NLGN1: variants seen among roughly 807,000 people sequenced by gnomAD.
NLGN1 encodes neuroligin-1.
In NLGN1, 12 loss-of-function variants were observed where a neutral mutation model predicts 65.5. The ratio of observed to expected loss-of-function variants is 0.18; its 90% confidence interval spans 0.12 to 0.30. The LOEUF (loss-of-function observed/expected upper bound fraction) is 0.30. NLGN1 is among the 10% of genes least tolerant of loss of function. The pLI is 1.00. For synonymous variants in NLGN1, 350 were observed against 359.5 expected (o/e 0.97, Z 0.30); for missense variants, 750 against 1,007.1 (o/e 0.74, Z 3.46).
chr3:173,443,510 G>T (rs1719608513), intron 2 of NLGN1, among the ~76,000 whole-genome samples: 1 of 151,704 alleles, frequency 6.6e-6, no homozygotes, highest in African/African-American at 2.4e-5. Context: ...AATGAGAATG[G>T]AAAAAGAAGT....
At chr3:173,863,876 T>C (rs962340896) in intron 4 of NLGN1, among the ~76,000 whole-genome samples, 5 of 152,276 alleles carry the variant, frequency 3.3e-5, no homozygotes, top group Non-Finnish European at 7.4e-5. Flanking sequence ...ATCATTGAGC[T>C]TTCATATTGT....
intron 4 of NLGN1, among the ~76,000 whole-genome samples, chr3:174,042,838 C>T (rs1732652874): frequency 6.6e-6 from 1 of 152,196 alleles, no homozygotes; most frequent in Non-Finnish European, 1.5e-5. Flanking sequence ...TGAGGCCTGT[C>T]TGAATCCAAA....
At chr3:173,678,556 T>C (rs1026637587) in intron 3 of NLGN1, among the ~76,000 whole-genome samples, 5 of 152,028 alleles carry the variant, frequency 3.3e-5, no homozygotes, top group African/African-American at 1.2e-4. Flanking sequence ...ATCCACATCA[T>C]GGAGGTTGCA....
At chr3:173,619,289 A>G (rs1753622583) in intron 3 of NLGN1, among the ~76,000 whole-genome samples, 1 of 152,184 alleles carries the variant, frequency 6.6e-6, no homozygotes, top group African/African-American at 2.4e-5. Flanking sequence ...TAAGGGGAGC[A>G]ATGAAAAAAA....
At chr3:173,514,178 A>G (rs554635132) in intron 2 of NLGN1, among the ~76,000 whole-genome samples, 33 of 152,324 alleles carry the variant, frequency 2.2e-4, no homozygotes, top group African/African-American at 7.0e-4. Context: ...TAAAAGTCAT[A>G]CAGGGTTGTA....
intron 3 of NLGN1, among the ~76,000 whole-genome samples, chr3:173,731,530 T>C (rs910622378): frequency 1.3e-5 from 2 of 152,078 alleles, no homozygotes; most frequent in Non-Finnish European, 2.9e-5. Flanking sequence ...GAAATAAATA[T>C]GTGATAAATA....
chr3:173,804,325 T>A (rs879467340), intron 3 of NLGN1, among the ~76,000 whole-genome samples: 5 of 152,148 alleles, frequency 3.3e-5, no homozygotes, highest in Non-Finnish European at 5.9e-5. Context: ...GTGATTTTAG[T>A]AAAGTCAGTA....
At chr3:173,785,014 C>T (rs997053740) in intron 3 of NLGN1, among the ~76,000 whole-genome samples, 13 of 151,080 alleles carry the variant, frequency 8.6e-5, no homozygotes, top group African/African-American at 3.2e-4. Flanking sequence ...AATATATAGA[C>T]AGAGGCAGAA....
intron 4 of NLGN1, among the ~76,000 whole-genome samples, chr3:173,966,881 C>A (rs1714993614): frequency 6.6e-6 from 1 of 152,088 alleles, no homozygotes; most frequent in Non-Finnish European, 1.5e-5. Flanking sequence ...TGACATGAAC[C>A]AAGTTTTTAG....
chr3:173,539,386 AT>A (rs145637198), intron 2 of NLGN1, among the ~76,000 whole-genome samples: 4,298 of 147,044 alleles, frequency 0.029, 204 homozygotes, highest in African/African-American at 0.097. Flanking sequence ...GTGTATATAT[AT>A]AAAAAACATA....
intron 4 of NLGN1, among the ~76,000 whole-genome samples, chr3:173,849,908 A>G (rs1037856325): frequency 3.3e-5 from 5 of 152,160 alleles, no homozygotes. Context: ...CTGTGAGCTC[A>G]AATGTAATAC....
At chr3:173,919,378 C>G (rs1364110906) in intron 4 of NLGN1, among the ~76,000 whole-genome samples, 1 of 152,082 alleles carries the variant, frequency 6.6e-6, no homozygotes, top group East Asian at 1.9e-4. Flanking sequence ...GAGGACAGAG[C>G]AGAAAAAAAT....
At chr3:173,792,290 G>A (rs2150369232) in intron 3 of NLGN1, among the ~76,000 whole-genome samples, 1 of 152,186 alleles carries the variant, frequency 6.6e-6, no homozygotes. Context: ...CATAATGACT[G>A]CTTCAATCTT....
At chr3:173,661,000 ATAT>A (rs1045257790) in intron 3 of NLGN1, among the ~76,000 whole-genome samples, 1 of 151,934 alleles carries the variant, frequency 6.6e-6, no homozygotes, top group African/African-American at 2.4e-5. Flanking sequence ...CACTCATAAA[ATAT>A]TATCTGAAAA....
intron 4 of NLGN1, among the ~76,000 whole-genome samples, chr3:174,271,714 G>C (rs1353946534): frequency 1.3e-5 from 2 of 151,650 alleles, no homozygotes; most frequent in African/African-American, 4.8e-5. Context: ...TTCCATGTAG[G>C]AACCACAAAT....
intron 2 of NLGN1, among the ~76,000 whole-genome samples, chr3:173,589,267 T>C (rs1748033380): frequency 6.6e-6 from 1 of 152,226 alleles, no homozygotes; most frequent in Admixed American, 6.5e-5. Context: ...TACATAATAT[T>C]AGTTCACTTG....
At chr3:174,150,736 C>A (rs1724159053) in intron 4 of NLGN1, among the ~76,000 whole-genome samples, 2 of 152,168 alleles carry the variant, frequency 1.3e-5, no homozygotes, top group South Asian at 4.1e-4. Flanking sequence ...AATGATAAAT[C>A]ACTACTTCTA....
chr3:174,103,643 C>A (rs141647603), intron 4 of NLGN1, among the ~76,000 whole-genome samples: 1 of 152,030 alleles, frequency 6.6e-6, no homozygotes, highest in East Asian at 1.9e-4. Context: ...GAATCAGAGG[C>A]CTTTTGTTAT....
chr3:174,130,575 C>A (rs1271617312), intron 4 of NLGN1, among the ~76,000 whole-genome samples: 1 of 152,042 alleles, frequency 6.6e-6, no homozygotes, highest in Non-Finnish European at 1.5e-5. Flanking sequence ...GTTTTAAGGA[C>A]CTATGATATA....
Sources: allele counts gnomAD v4.1 joint callset (sites outside exome capture counted in the v4.1 genomes callset), GRCh38; gene constraint gnomAD v4.1.1; transcripts MANE v1.5; gene names NCBI Gene and HGNC (gene_info 2026-07-23, HGNC 2026-07-21).